PIP4P2: variants seen among roughly 807,000 people sequenced by gnomAD.
PIP4P2 encodes the protein phosphatidylinositol-4,5-bisphosphate 4-phosphatase 2.
In PIP4P2, 19 loss-of-function variants were observed where a neutral mutation model predicts 33.3. The observed-to-expected ratio is 0.57, with a 90% confidence interval of 0.40 to 0.84. PIP4P2 has a LOEUF of 0.84. Among genes scored for constraint, PIP4P2 ranks in the 40% least tolerant of loss-of-function variants. PIP4P2 has a pLI of 0.00. For missense variants in PIP4P2, 270 were observed against 324.7 expected (o/e 0.83, Z 1.29); for synonymous variants, 110 against 111.9 (o/e 0.98, Z 0.11).
Position 91,040,780 on chromosome 8 carries a change from C to G in PIP4P2, c.-31G>C. 2 of 1,604,432 alleles carry G rather than the reference C, an allele frequency of 1.2e-6. No homozygotes were observed. Among genetic ancestry groups the G allele is most frequent in the Admixed American group, 1.7e-5 (1 of 59,748 alleles). On this transcript the variant is annotated 5_prime_UTR_variant, in exon 1 of 7. Coordinates refer to ENST00000285419, the MANE Select transcript of PIP4P2 (RefSeq NM_018710.3). ...CGGCAGCGGCGGGGCCTGGGGAGGCCGAGCCGGGGTTGCGGCCTCGGCGGA... is the reference window on the plus strand; with the variant it reads ...CGGCAGCGGCGGGGCCTGGGGAGGCGGAGCCGGGGTTGCGGCCTCGGCGGA...
chr8:90,997,028 A>G (rs1811637726), intron 5 of PIP4P2, among the ~76,000 whole-genome samples: 1 of 152,158 alleles, frequency 6.6e-6, no homozygotes, highest in African/African-American at 2.4e-5. Context: ...TCCCAAGATA[A>G]AAGTTTATTT....
At position 90,993,861 on chromosome 8, in the gene PIP4P2, GA is replaced by G. The variant is rs1391240728; in HGVS notation, c.*1815del. On this transcript the variant is annotated 3_prime_UTR_variant, in exon 7 of 7. Coordinates refer to ENST00000285419, the MANE Select transcript of PIP4P2 (RefSeq NM_018710.3). The stretch of plus-strand genomic sequence containing the variant: ...TCATGCATATTCATTCACGTAAATT[GA>G]GCACATGTACACTAAGAACTGTTCT... 1.3e-5 allele frequency: 2 copies of G among 152,092 alleles called. No individual in the cohort carries two copies. The highest frequency in any genetic ancestry group is 2.9e-5 in the Non-Finnish European group (2 of 68,008). The allele number at this position is 152,092 out of a possible 1,614,324, so 9.4% of individuals were successfully genotyped here. A position where few individuals can be genotyped will look rare whatever the true frequency, so the allele number is the denominator to read the frequency against.
intron 4 of PIP4P2, among the ~76,000 whole-genome samples, chr8:91,012,389 G>A (rs1811849339): frequency 6.6e-6 from 1 of 151,956 alleles, no homozygotes; most frequent in South Asian, 2.1e-4. Flanking sequence ...TTAACAGTGT[G>A]AAGGGCAAAT....
Position 91,009,165 on chromosome 8 carries a change from C to T in PIP4P2, c.487-370G>A, listed in dbSNP as rs555868223. Among the ~76,000 whole-genome samples the T allele has an allele frequency of 9.3e-4, 142 of 152,148 alleles. 1 individual carries two copies. The highest frequency in any genetic ancestry group is 3.3e-3 in the African/African-American group (136 of 41,548). ...TTTCTTTTAAGTCTTGAGGGCTGGC[C>T]TTTTAAATACTTGAATATTTAGATT... is the stretch of plus-strand genomic sequence containing the variant. On this transcript the variant is annotated intron_variant, in intron 4 of 6. Coordinates refer to ENST00000285419, the MANE Select transcript of PIP4P2 (RefSeq NM_018710.3).
intron 4 of PIP4P2, among the ~76,000 whole-genome samples, chr8:91,013,490 T>C (rs1367152650): frequency 1.3e-5 from 2 of 152,168 alleles, no homozygotes; most frequent in East Asian, 3.8e-4. Context: ...TTAATATCTA[T>C]TGGTAACTAT....
At chr8:91,000,147 G>A (rs1038108987) in intron 5 of PIP4P2, among the ~76,000 whole-genome samples, 2 of 151,944 alleles carry the variant, frequency 1.3e-5, no homozygotes, top group African/African-American at 4.8e-5. Context: ...TAAATATAAA[G>A]ATTTTAGAAA....
At chr8:91,016,848 AG>A (rs1266916061) in intron 4 of PIP4P2, 2 of 152,216 alleles carry the variant, frequency 1.3e-5, no homozygotes, top group African/African-American at 2.4e-5. Flanking sequence ...GGTATTTTAT[AG>A]TTCTACACAA....
At chr8:90,995,968 GA>G in intron 6 of PIP4P2, 148 bp from the exon 7 acceptor site, 5 of 808,884 alleles carry the variant, frequency 6.2e-6, no homozygotes, top group Non-Finnish European at 7.3e-6. Context: ...TGTATCTGTT[GA>G]CTGCAACTGA....
At chr8:91,015,192 C>T (rs147881075) in intron 4 of PIP4P2, among the ~76,000 whole-genome samples, 3 of 152,122 alleles carry the variant, frequency 2.0e-5, no homozygotes, top group Non-Finnish European at 4.4e-5. Context: ...GGCTGTCTCT[C>T]GGGCATATCT....
chr8:91,020,986 C>T (rs971830676), intron 2 of PIP4P2, among the ~76,000 whole-genome samples: 2 of 152,088 alleles, frequency 1.3e-5, no homozygotes, highest in African/African-American at 2.4e-5. Context: ...AGTATTTATA[C>T]GTAACTGCCA....
intron 1 of PIP4P2, among the ~76,000 whole-genome samples, chr8:91,036,372 G>A (rs1812231766): frequency 2.0e-5 from 3 of 152,108 alleles, no homozygotes; most frequent in South Asian, 2.1e-4. Context: ...TTCATTATCC[G>A]TGTTCCCCAA....
intron 4 of PIP4P2, among the ~76,000 whole-genome samples, chr8:91,017,019 T>A (rs1216010469): frequency 6.6e-6 from 1 of 152,198 alleles, no homozygotes; most frequent in Non-Finnish European, 1.5e-5. Context: ...ATAAAAATTG[T>A]AAACACTAAG....
At chr8:91,009,107 T>C (rs542612335) in intron 4 of PIP4P2, among the ~76,000 whole-genome samples, 84 of 152,136 alleles carry the variant, frequency 5.5e-4, no homozygotes, top group Non-Finnish European at 1.1e-3. Flanking sequence ...TTCCAACGAA[T>C]ACAATCATAT....
chr8:91,000,683 C>T (rs1305863026), intron 5 of PIP4P2, among the ~76,000 whole-genome samples: 2 of 151,516 alleles, frequency 1.3e-5, no homozygotes, highest in African/African-American at 4.8e-5. Context: ...TTTTAATTAC[C>T]TTCTATTTCT....
rs902809443 is a variant in PIP4P2 at position 90,995,743 on chromosome 8, G to T, written c.708C>A (p.Ile236=). 16 of 1,613,450 alleles carry T rather than the reference G, an allele frequency of 9.9e-6. No individual in the cohort carries two copies. The highest frequency in any genetic ancestry group is 1.3e-5 in the Non-Finnish European group (15 of 1,179,604). The stretch of plus-strand genomic sequence containing the variant: ...CCCAATAACAAGCTCGGATAAGGCA[G>T]ATCAATCCTAGGAGATAAGCAATTG... ...SWAIAYLLGL[I]CLIRACYWGA... The change falls in exon 7 of 7, where the codon ATC becomes ATA. Residue 236 remains isoleucine (I), a synonymous_variant. Coordinates refer to ENST00000285419, the MANE Select transcript of PIP4P2 (RefSeq NM_018710.3).
chr8:91,026,438 C>T (rs1194913382), intron 1 of PIP4P2, among the ~76,000 whole-genome samples: 1 of 152,140 alleles, frequency 6.6e-6, no homozygotes, highest in Non-Finnish European at 1.5e-5. Flanking sequence ...GACACCAGCA[C>T]AAGCTAGCCA....
rs772645113 is a variant in PIP4P2, at chr8:91,024,346, G to A, written c.107-2942C>T. ...CTCTTATATGGGACTTGTAATTCTG[G>A]AGATTCCACAGTTAGTAAACCTACA... is the stretch of plus-strand genomic sequence containing the variant. On this transcript the variant is annotated intron_variant, in intron 1 of 6. Coordinates refer to ENST00000285419, the MANE Select transcript of PIP4P2 (RefSeq NM_018710.3). 29 of 438,664 alleles carry A rather than the reference G, an allele frequency of 6.6e-5. No homozygotes were observed. The Middle Eastern group carries it at 1.7e-3, about 25-fold the overall frequency. 27.2% of individuals were successfully genotyped at this position (438,664 alleles called of 1,614,324 possible).
chr8:90,999,325 G>A (rs540767023), intron 5 of PIP4P2, among the ~76,000 whole-genome samples: 185 of 152,086 alleles, frequency 1.2e-3, no homozygotes, highest in Non-Finnish European at 1.2e-4. Context: ...GAATACAGAA[G>A]TTTAAAAATA....
At chr8:91,035,520 T>C (rs1812221925) in intron 1 of PIP4P2, among the ~76,000 whole-genome samples, 1 of 152,206 alleles carries the variant, frequency 6.6e-6, no homozygotes. Flanking sequence ...GACTCTGTGA[T>C]ATTATCATCT....
Sources: gnomAD v4.1 joint callset for allele counts (sites outside exome capture counted in the v4.1 genomes callset) on GRCh38, gnomAD v4.1.1 for gene constraint, MANE v1.5 for transcripts, NCBI Gene and HGNC (gene_info 2026-07-23, HGNC 2026-07-21) for gene names.